PTPRD: variants seen among roughly 807,000 people sequenced by gnomAD.
PTPRD encodes receptor-type tyrosine-protein phosphatase delta.
A neutral mutation model predicts 214.5 loss-of-function variants in PTPRD; 34 were observed. The ratio of observed to expected loss-of-function variants is 0.16; its 90% CI spans 0.12 to 0.21. The LOEUF (loss-of-function observed/expected upper bound fraction) is 0.21, where lower values mean the gene tolerates loss of function less well. Among genes scored for constraint, PTPRD ranks in the 10% least tolerant of loss-of-function variants. The pLI, the probability that PTPRD is intolerant of heterozygous loss-of-function variation, is 1.00. For synonymous variants in PTPRD, 1,128 were observed against 845.7 expected (o/e 1.33, Z -5.79); for missense variants, 2,545 against 2,398.7 (o/e 1.06, Z -1.27).
At chr9:8,581,862 G>A (rs1286184173) in intron 14 of PTPRD, among the ~76,000 whole-genome samples, 5 of 130,272 alleles carry the variant, frequency 3.8e-5, no homozygotes, top group East Asian at 2.5e-4. Flanking sequence ...AGGTGGAGGC[G>A]AGTTCCTGTC....
chr9:8,633,600 G>T, intron 13 of PTPRD, 142 bp from the exon 14 acceptor site: 1 of 936,112 alleles, frequency 1.1e-6, no homozygotes, highest in Non-Finnish European at 1.6e-6. Flanking sequence ...ATATAGTGGT[G>T]AAAAAATATT....
chr9:9,701,741 G>A (rs1405887818), intron 7 of PTPRD, among the ~76,000 whole-genome samples: 1 of 151,824 alleles, frequency 6.6e-6, no homozygotes, highest in Non-Finnish European at 1.5e-5. Flanking sequence ...GGATGAATAT[G>A]CTATTAATAC....
At chr9:8,495,912 T>C (rs183675578) in intron 26 of PTPRD, among the ~76,000 whole-genome samples, 1 of 152,308 alleles carries the variant, frequency 6.6e-6, no homozygotes. Context: ...TCTTTTTATT[T>C]CTTCTATATC....
chr9:9,954,302 A>AAAAAAAAAC (rs2093711522), intron 4 of PTPRD, among the ~76,000 whole-genome samples: 1 of 141,278 alleles, frequency 7.1e-6, no homozygotes, highest in African/African-American at 2.7e-5. Flanking sequence ...CAAAACAAAA[A>AAAAAAAAAC]AAAAAAAAAA....
At chr9:10,472,339 T>G (rs1474624428) in intron 2 of PTPRD, among the ~76,000 whole-genome samples, 2 of 152,180 alleles carry the variant, frequency 1.3e-5, no homozygotes, top group Non-Finnish European at 2.9e-5. Context: ...TAAATGTTTG[T>G]ACTATTCAAT....
chr9:8,431,084 C>G (rs1049338898), intron 35 of PTPRD, among the ~76,000 whole-genome samples: 4 of 152,314 alleles, frequency 2.6e-5, no homozygotes, highest in African/African-American at 9.6e-5. Context: ...AAACTTCGCT[C>G]TCCCCCATCT....
intron 9 of PTPRD, among the ~76,000 whole-genome samples, chr9:9,284,893 G>T (rs1315886945): frequency 6.6e-6 from 1 of 151,682 alleles, no homozygotes; most frequent in Non-Finnish European, 1.5e-5. Context: ...ACAGTATCTG[G>T]CACAGAATAG....
At chr9:9,103,888 G>A (rs1320920364) in intron 10 of PTPRD, among the ~76,000 whole-genome samples, 1 of 152,090 alleles carries the variant, frequency 6.6e-6, no homozygotes, top group African/African-American at 2.4e-5. Context: ...AGGCTGAGGT[G>A]AGAAGATCGC....
intron 5 of PTPRD, among the ~76,000 whole-genome samples, chr9:9,909,375 C>T (rs2078534228): frequency 6.9e-6 from 1 of 144,758 alleles, no homozygotes; most frequent in Admixed American, 7.0e-5. Flanking sequence ...TTGCTGGGGG[C>T]AGGGGCAGCT....
chr9:10,127,596 T>C (rs2098829282), intron 3 of PTPRD, among the ~76,000 whole-genome samples: 1 of 152,192 alleles, frequency 6.6e-6, no homozygotes, highest in African/African-American at 2.4e-5. Context: ...TAATATACTG[T>C]AATTATTTAT....
At chr9:10,320,667 G>A (rs1206680982) in intron 3 of PTPRD, among the ~76,000 whole-genome samples, 1 of 151,810 alleles carries the variant, frequency 6.6e-6, no homozygotes, top group Non-Finnish European at 1.5e-5. Flanking sequence ...CTCTTTATCA[G>A]TTCTTAGAAA....
chr9:8,853,652 T>A lies in PTPRD; in HGVS notation c.-103-119706A>T, dbSNP rs542124718. On this transcript the variant is annotated intron_variant, in intron 11 of 45. Transcript: ENST00000381196. ...ACTGACAAATTCCTTCTAAGCAATC[T>A]TCTTCCACATTATCAGATTTCTTCA... 2.0e-5 allele frequency among the ~76,000 whole-genome samples: 3 copies of A among 152,348 alleles called. No individual in the cohort carries two copies. The South Asian group carries it at 6.2e-4, about 32-fold the overall frequency.
chr9:9,320,909 T>C (rs1409917863), intron 9 of PTPRD, among the ~76,000 whole-genome samples: 1 of 152,170 alleles, frequency 6.6e-6, no homozygotes, highest in Non-Finnish European at 1.5e-5. Context: ...AGATAAGAAT[T>C]TGTCCTCTAA....
chr9:9,275,073 T>TATATA (rs1555158911), intron 9 of PTPRD, among the ~76,000 whole-genome samples: 4 of 80,466 alleles, frequency 5.0e-5, no homozygotes, highest in Non-Finnish European at 6.9e-5. Flanking sequence ...ATATTATATA[T>TATATA]ATATATATAA....
chr9:8,768,355 A>T (rs1261559628), intron 11 of PTPRD, among the ~76,000 whole-genome samples: 2 of 152,222 alleles, frequency 1.3e-5, no homozygotes, highest in Non-Finnish European at 2.9e-5. Context: ...GTTCAGGACC[A>T]GTCTGAGCAA....
chr9:10,151,724 A>C (rs1195277188), intron 3 of PTPRD, among the ~76,000 whole-genome samples: 2 of 152,106 alleles, frequency 1.3e-5, no homozygotes, highest in Non-Finnish European at 2.9e-5. Flanking sequence ...TCAACCCACA[A>C]AATTGTCTCT....
intron 12 of PTPRD, among the ~76,000 whole-genome samples, chr9:8,727,600 C>A (rs2098599032): frequency 1.3e-5 from 2 of 152,156 alleles, no homozygotes; most frequent in Non-Finnish European, 2.9e-5. Context: ...AACCAAAGAA[C>A]TAGGGTAAGC....
At chr9:9,150,171 C>T (rs1308496919) in intron 10 of PTPRD, among the ~76,000 whole-genome samples, 1 of 151,992 alleles carries the variant, frequency 6.6e-6, no homozygotes, top group Admixed American at 6.6e-5. Flanking sequence ...ATTATTCTAA[C>T]CATGGACATG....
chr9:9,275,022 A>T (rs1464678492), intron 9 of PTPRD, among the ~76,000 whole-genome samples: 1 of 120,942 alleles, frequency 8.3e-6, no homozygotes, highest in African/African-American at 3.1e-5. Context: ...AACTGATTGG[A>T]CCATCAAAAT....
Sources: allele counts gnomAD v4.1 joint callset (sites outside exome capture counted in the v4.1 genomes callset), GRCh38; gene constraint gnomAD v4.1.1; transcripts MANE v1.5; gene names NCBI Gene and HGNC (gene_info 2026-07-23, HGNC 2026-07-21).